Variants in EDN1 observed in about 807,000 individuals in gnomAD.
EDN1 encodes endothelin-1.
A neutral mutation model predicts 21.7 loss-of-function variants in EDN1; 11 were observed. That is an observed-to-expected ratio of 0.51 (90% confidence interval 0.32 to 0.84). EDN1 has a LOEUF of 0.84. Ranked by LOEUF, EDN1 falls within the 40% of genes least tolerant of loss-of-function variation. EDN1 has a pLI of 0.03. For missense variants in EDN1, 244 were observed against 262.3 expected, an observed-to-expected ratio of 0.93 and a Z score of 0.48; for synonymous variants, 85 against 90.6, an observed-to-expected ratio of 0.94 and a Z score of 0.35.
chr6:12,243,047 C>G, the EDN1 span, among the ~76,000 whole-genome samples: 15 of 152,062 alleles, frequency 9.9e-5, no homozygotes, highest in African/African-American at 3.6e-4. Flanking sequence ...TTTGATTCCC[C>G]AAAAACTTAA....
upstream of EDN1, among the ~76,000 whole-genome samples, chr6:12,286,257 A>T (rs945364609): frequency 6.6e-6 from 1 of 152,232 alleles, no homozygotes; most frequent in South Asian, 2.1e-4. Context: ...ATAGAGATGC[A>T]TATGTTGTAT....
At chr6:12,274,326 T>A in the EDN1 span, among the ~76,000 whole-genome samples, 1 of 152,108 alleles carries the variant, frequency 6.6e-6, no homozygotes, top group Non-Finnish European at 1.5e-5. Context: ...TGGCAGAGAG[T>A]GCAATAGACA....
the EDN1 span, among the ~76,000 whole-genome samples, chr6:12,279,075 T>C: frequency 6.6e-6 from 1 of 152,238 alleles, no homozygotes; most frequent in African/African-American, 2.4e-5. Flanking sequence ...AATTTAGTCA[T>C]CATAAAATCA....
At chr6:12,262,091 G>A in the EDN1 span, among the ~76,000 whole-genome samples, 1 of 152,130 alleles carries the variant, frequency 6.6e-6, no homozygotes, top group African/African-American at 2.4e-5. Context: ...ACTATCTCAG[G>A]TACACCTAAT....
chr6:12,261,610 G>A, the EDN1 span, among the ~76,000 whole-genome samples: 2 of 152,198 alleles, frequency 1.3e-5, no homozygotes, highest in Non-Finnish European at 2.9e-5. Context: ...TCACACAGGG[G>A]ATACAGAACA....
the EDN1 span, among the ~76,000 whole-genome samples, chr6:12,283,306 G>A: frequency 1.3e-5 from 2 of 152,112 alleles, no homozygotes; most frequent in Admixed American, 6.5e-5. Flanking sequence ...GTTTGAGGGG[G>A]GAGTGTGGAA....
At chr6:12,237,439 C>A in the EDN1 span, among the ~76,000 whole-genome samples, 2 of 152,120 alleles carry the variant, frequency 1.3e-5, no homozygotes, top group East Asian at 3.9e-4. Flanking sequence ...AAAAGTCTTA[C>A]AAAATTGTAA....
the EDN1 span, among the ~76,000 whole-genome samples, chr6:12,266,723 T>A: frequency 2.0e-5 from 3 of 151,948 alleles, no homozygotes; most frequent in Non-Finnish European, 2.9e-5. Context: ...AGCAAAGAGA[T>A]GTGTGGAAAT....
At chr6:12,265,349 A>G in the EDN1 span, among the ~76,000 whole-genome samples, 2 of 152,344 alleles carry the variant, frequency 1.3e-5, no homozygotes, top group South Asian at 4.1e-4. Context: ...GTTAACTCCC[A>G]GCACCTCAGA....
the EDN1 span, among the ~76,000 whole-genome samples, chr6:12,284,743 G>GAAA: frequency 0.086 from 6,012 of 69,696 alleles, 164 homozygotes; most frequent in East Asian, 0.11. Context: ...AAGGAAGGAA[G>GAAA]GAAGGAAGAA....
At chr6:12,261,365 C>A in the EDN1 span, among the ~76,000 whole-genome samples, 3 of 152,200 alleles carry the variant, frequency 2.0e-5, no homozygotes, top group African/African-American at 7.2e-5. Context: ...CAGGTACGCT[C>A]CGAAATCTCA....
chr6:12,244,314 A>G, the EDN1 span, among the ~76,000 whole-genome samples: 1 of 152,240 alleles, frequency 6.6e-6, no homozygotes, highest in Admixed American at 6.5e-5. Context: ...CATTGAGTGA[A>G]TATTTGACCT....
chr6:12,231,661 T>G, the EDN1 span, among the ~76,000 whole-genome samples: 2 of 152,332 alleles, frequency 1.3e-5, no homozygotes, highest in African/African-American at 4.8e-5. Flanking sequence ...TAAATTTATT[T>G]TATTAAACAG....
chr6:12,289,891 C>T (rs1762629610), upstream of EDN1, among the ~76,000 whole-genome samples: 1 of 152,290 alleles, frequency 6.6e-6, no homozygotes, highest in Non-Finnish European at 1.5e-5. Flanking sequence ...AGAGCATTCC[C>T]TTGTTTGACT....
At chr6:12,236,313 G>A in the EDN1 span, among the ~76,000 whole-genome samples, 3 of 150,226 alleles carry the variant, frequency 2.0e-5, no homozygotes, top group African/African-American at 4.9e-5. Context: ...AAGGCATCTC[G>A]TTCTGTCACC....
chr6:12,261,475 T>C, the EDN1 span, among the ~76,000 whole-genome samples: 1 of 152,144 alleles, frequency 6.6e-6, no homozygotes, highest in Non-Finnish European at 1.5e-5. Context: ...TTTAATGTAA[T>C]GATGGTTGTG....
At chr6:12,256,320 T>C in the EDN1 span, among the ~76,000 whole-genome samples, 3 of 152,246 alleles carry the variant, frequency 2.0e-5, no homozygotes, top group Non-Finnish European at 4.4e-5. Context: ...ACCACTGCGC[T>C]CCAGCGTGGG....
chr6:12,233,417 A>G, the EDN1 span, among the ~76,000 whole-genome samples: 1 of 152,102 alleles, frequency 6.6e-6, no homozygotes, highest in Non-Finnish European at 1.5e-5. Context: ...TTCCTCCACC[A>G]TTTTACAGGT....
the EDN1 span, among the ~76,000 whole-genome samples, chr6:12,267,618 A>T: frequency 1.3e-5 from 2 of 152,236 alleles, no homozygotes; most frequent in East Asian, 3.8e-4. Flanking sequence ...GAAAGAAGCT[A>T]TCTCCATAAC....
Sources: gnomAD v4.1 joint callset for allele counts (sites outside exome capture counted in the v4.1 genomes callset) on GRCh38, gnomAD v4.1.1 for gene constraint, MANE v1.5 for transcripts, NCBI Gene and HGNC (gene_info 2026-07-23, HGNC 2026-07-21) for gene names.